FARS2: variants seen among roughly 807,000 people sequenced by gnomAD.
FARS2 encodes the protein phenylalanine--tRNA ligase, mitochondrial.
In FARS2, 40 loss-of-function variants were observed where a neutral mutation model predicts 46.4. That is an observed-to-expected ratio of 0.86 (90% CI 0.67 to 1.12). The LOEUF (loss-of-function observed/expected upper bound fraction) is 1.12. Ranked by LOEUF, FARS2 falls within the 50% of genes most tolerant of loss-of-function variation. FARS2 has a pLI of 0.00. For missense variants in FARS2, 513 were observed against 567.9 expected (o/e 0.90, Z 0.98); for synonymous variants, 234 against 214.9 (o/e 1.09, Z -0.78).
chr6:5,668,728 T>G (rs1561788365), intron 6 of FARS2, among the ~76,000 whole-genome samples: 1 of 148,406 alleles, frequency 6.7e-6, no homozygotes, highest in African/African-American at 2.5e-5. Flanking sequence ...AGTTTGTCTC[T>G]TGTTGCCCAG....
chr6:5,257,658 T>C (rs534041077), upstream of FARS2, among the ~76,000 whole-genome samples: 7 of 152,270 alleles, frequency 4.6e-5, no homozygotes, highest in African/African-American at 9.6e-5. Flanking sequence ...TAGATTCTCA[T>C]AGGTGCACCT....
At chr6:5,251,067 G>A in the FARS2 span, among the ~76,000 whole-genome samples, 1 of 152,240 alleles carries the variant, frequency 6.6e-6, no homozygotes, top group Middle Eastern at 3.4e-3. Flanking sequence ...TTCTTGAGCC[G>A]TCCTTATATG....
At chr6:5,682,765 A>C (rs938739631) in intron 6 of FARS2, among the ~76,000 whole-genome samples, 2 of 152,264 alleles carry the variant, frequency 1.3e-5, no homozygotes, top group African/African-American at 4.8e-5. Flanking sequence ...GACAGACACT[A>C]AACTAAATAA....
In FARS2 at chr6:5,677,511, T is replaced by C. The variant is rs974752407; in HGVS notation, c.1217+64191T>C. On this transcript the variant is annotated intron_variant, in intron 6 of 6. Coordinates refer to ENST00000274680, the MANE Select transcript of FARS2 (RefSeq NM_006567.5). ...TTTAAGTGTTCTGCTCCAAATACTT[T>C]CCAACAATCAGAACCAAGACACCTG... Among the ~76,000 whole-genome samples the C allele has an allele frequency of 2.0e-5, 3 of 152,346 alleles. No individual in the cohort carries two copies. In the East Asian group the frequency reaches 5.8e-4, roughly 29 times the overall value.
At chr6:5,349,361 C>T (rs73367041) in intron 1 of FARS2, among the ~76,000 whole-genome samples, 8,443 of 152,308 alleles carry the variant, frequency 0.055, 267 homozygotes, top group Middle Eastern at 0.14. Context: ...GTTGTGCTCA[C>T]AGGTTGGAAA....
chr6:5,698,108 T>C (rs891158421), intron 6 of FARS2, among the ~76,000 whole-genome samples: 4 of 152,164 alleles, frequency 2.6e-5, no homozygotes, highest in Admixed American at 2.6e-4. Flanking sequence ...TTAGGAAATA[T>C]CTTACTCACA....
chr6:5,683,612 T>C (rs1325549420), intron 6 of FARS2, among the ~76,000 whole-genome samples: 4 of 152,028 alleles, frequency 2.6e-5, no homozygotes, highest in Admixed American at 6.6e-5. Context: ...TTTCTTTTTT[T>C]TTTTCTTTTA....
chr6:5,568,846 C>T (rs186221064), intron 5 of FARS2, among the ~76,000 whole-genome samples: 150 of 152,234 alleles, frequency 9.9e-4, no homozygotes, highest in African/African-American at 3.5e-3. Flanking sequence ...AGGCCCGGCA[C>T]AGAAGAAATG....
chr6:5,710,074 G>A (rs533598881), intron 6 of FARS2, among the ~76,000 whole-genome samples: 5 of 152,292 alleles, frequency 3.3e-5, no homozygotes, highest in Admixed American at 6.5e-5. Context: ...TGAGTGGTTG[G>A]GCCTGCCCAG....
At chr6:5,341,736 C>G (rs1163404569) in intron 1 of FARS2, among the ~76,000 whole-genome samples, 1 of 152,086 alleles carries the variant, frequency 6.6e-6, no homozygotes, top group African/African-American at 2.4e-5. Flanking sequence ...CCAGGCTGGT[C>G]TTGAACTCCT....
intron 5 of FARS2, among the ~76,000 whole-genome samples, chr6:5,595,410 C>T (rs1774143566): frequency 6.6e-6 from 1 of 152,208 alleles, no homozygotes; most frequent in South Asian, 2.1e-4. Flanking sequence ...TCTGATGGCC[C>T]TTCTCCCCAT....
At chr6:5,453,433 C>G (rs1047441715) in intron 4 of FARS2, among the ~76,000 whole-genome samples, 3 of 152,116 alleles carry the variant, frequency 2.0e-5, no homozygotes, top group Non-Finnish European at 2.9e-5. Flanking sequence ...CGTGCTCATC[C>G]TTTTTCAGAG....
intron 6 of FARS2, among the ~76,000 whole-genome samples, chr6:5,711,279 GAA>G (rs1759132804): frequency 7.0e-6 from 1 of 141,930 alleles, no homozygotes; most frequent in Non-Finnish European, 1.6e-5. Context: ...CAATATAAAT[GAA>G]TGCGGGATGG....
chr6:5,534,431 A>C (rs1174706926), intron 4 of FARS2, among the ~76,000 whole-genome samples: 1 of 151,846 alleles, frequency 6.6e-6, no homozygotes, highest in Non-Finnish European at 1.5e-5. Flanking sequence ...TTAAGCATTA[A>C]CTCCCCATTC....
intron 3 of FARS2, among the ~76,000 whole-genome samples, chr6:5,421,027 C>A (rs1201621580): frequency 6.6e-6 from 1 of 152,202 alleles, no homozygotes; most frequent in South Asian, 2.1e-4. Context: ...AATTTCCCTT[C>A]TGCACTGCCC....
At chr6:5,261,496 G>T (rs529702118), upstream of FARS2, 1 of 152,578 alleles carries the variant, frequency 6.6e-6, no homozygotes, top group South Asian at 2.1e-4. Flanking sequence ...GGCGACCTGC[G>T]TAGGGGCCTC....
chr6:5,754,282 G>A (rs985183112), intron 6 of FARS2, among the ~76,000 whole-genome samples: 1 of 152,212 alleles, frequency 6.6e-6, no homozygotes, highest in Non-Finnish European at 1.5e-5. Context: ...CCCTTCTGCT[G>A]TTTTGCTTCA....
intron 5 of FARS2, among the ~76,000 whole-genome samples, chr6:5,549,630 C>T (rs1771253224): frequency 6.6e-6 from 1 of 152,186 alleles, no homozygotes. Flanking sequence ...TCAGGATAAT[C>T]TTCCCATCTC....
At chr6:5,399,911 C>G (rs945129045) in intron 2 of FARS2, among the ~76,000 whole-genome samples, 3 of 152,058 alleles carry the variant, frequency 2.0e-5, no homozygotes, top group Admixed American at 1.3e-4. Flanking sequence ...GGTGCAGTTA[C>G]AAACAATACT....
Sources: allele counts gnomAD v4.1 joint callset (sites outside exome capture counted in the v4.1 genomes callset), GRCh38; gene constraint gnomAD v4.1.1; transcripts MANE v1.5; gene names NCBI Gene and HGNC (gene_info 2026-07-23, HGNC 2026-07-21).